The following DNAJC1 variants were observed in gnomAD, a reference collection of about 807,000 sequenced individuals.
The protein encoded by DNAJC1 is dnaJ homolog subfamily C member 1.
A neutral mutation model predicts 76.6 loss-of-function variants in DNAJC1; 58 were observed. The observed-to-expected ratio is 0.76, with a 90% CI of 0.61 to 0.94. The LOEUF (loss-of-function observed/expected upper bound fraction) is 0.94, where lower values mean the gene tolerates loss of function less well. DNAJC1 is among the 40% of genes least tolerant of loss of function. The probability of loss-of-function intolerance (pLI) is 0.00; values close to 1 mark genes in which losing one functional copy is unlikely to be tolerated. For missense variants in DNAJC1, 689 were observed against 677.3 expected (o/e 1.02, Z -0.19); for synonymous variants, 258 against 267.9 (o/e 0.96, Z 0.36).
At chr10:21,957,874 G>A (rs1279330143) in intron 1 of DNAJC1, among the ~76,000 whole-genome samples, 2 of 152,046 alleles carry the variant, frequency 1.3e-5, no homozygotes, top group Non-Finnish European at 2.9e-5. Context: ...CTTTCTTTAA[G>A]TGATGGTACA....
chr10:21,923,761 CATT>C (rs1837076022), intron 3 of DNAJC1, among the ~76,000 whole-genome samples: 1 of 151,842 alleles, frequency 6.6e-6, no homozygotes, highest in Admixed American at 6.6e-5. Context: ...GTTACATACT[CATT>C]AGTGAGTTTT....
intron 9 of DNAJC1, among the ~76,000 whole-genome samples, chr10:21,786,483 G>GAT (rs1834612638): frequency 6.9e-6 from 1 of 145,664 alleles, no homozygotes; most frequent in Non-Finnish European, 1.5e-5. Context: ...GAGAGAGAGA[G>GAT]AGAGAGAGAG....
In DNAJC1 at chr10:21,876,545, T is replaced by C. The variant is rs144671817; in HGVS notation, c.978+5737A>G. ...CAATTAAATATCTCAGCTGAATAAT[T>C]TGTGGAAAACAACAAGCTGCATTAA... On this transcript the variant is annotated intron_variant, in intron 8 of 11. Coordinates refer to ENST00000376980, the MANE Select transcript of DNAJC1 (RefSeq NM_022365.4). 5.9e-3 allele frequency among the ~76,000 whole-genome samples: 893 copies of C among 152,304 alleles called. 7 individuals carry two copies. The highest frequency in any genetic ancestry group is 0.02 in the African/African-American group (833 of 41,556).
At chr10:21,932,780 G>A (rs964763052) in intron 1 of DNAJC1, among the ~76,000 whole-genome samples, 6 of 152,190 alleles carry the variant, frequency 3.9e-5, no homozygotes, top group Non-Finnish European at 7.3e-5. Context: ...AAAGGCAAAT[G>A]TATTTATTTG....
chr10:21,998,403 A>AG (rs1437732357), intron 1 of DNAJC1, among the ~76,000 whole-genome samples: 1 of 151,506 alleles, frequency 6.6e-6, no homozygotes, highest in African/African-American at 2.4e-5. Flanking sequence ...AAAAAAAAAA[A>AG]AAAAAAGAAA....
chr10:21,862,281 T>C (rs1392273211), intron 8 of DNAJC1, among the ~76,000 whole-genome samples: 2 of 152,074 alleles, frequency 1.3e-5, no homozygotes, highest in Non-Finnish European at 2.9e-5. Context: ...TTCTTTGTTG[T>C]GTGAGATTCA....
rs778492623 is a variant in DNAJC1 at position 21,920,950 on chromosome 10, G to T, written c.385C>A (p.Leu129Met). 1 of 1,608,142 alleles carries T rather than the reference G, an allele frequency of 6.2e-7. No individual in the cohort carries two copies. Among genetic ancestry groups the T allele is most frequent in the South Asian group, 1.1e-5 (1 of 89,894 alleles). Residue 129 changes from leucine to methionine, a missense_variant, in exon 4 of 12, where the codon CTG becomes ATG. Leu to Met is a conservative substitution (Grantham distance 15). Coordinates refer to ENST00000376980, the MANE Select transcript of DNAJC1 (RefSeq NM_022365.4). Reference protein sequence around the residue: ...DERRQRYDDILINGLPDWRQP... With the variant: ...DERRQRYDDIMINGLPDWRQP... ...CGCCAATCTGGAAGTCCATTGATCA[G>T]AATATCATCATACCTACAGTACAAA...
intron 7 of DNAJC1, among the ~76,000 whole-genome samples, chr10:21,897,541 T>C (rs1193398428): frequency 2.0e-5 from 3 of 152,166 alleles, no homozygotes; most frequent in Non-Finnish European, 4.4e-5. Context: ...AGGACAAGCA[T>C]TACTGCCTGC....
At chr10:21,961,431 T>C (rs1192043577) in intron 1 of DNAJC1, among the ~76,000 whole-genome samples, 7 of 152,162 alleles carry the variant, frequency 4.6e-5, no homozygotes, top group Non-Finnish European at 1.5e-5. Context: ...ACAGCAAAGA[T>C]GAACCTTGAA....
chr10:21,813,679 C>T (rs954045125), intron 8 of DNAJC1, among the ~76,000 whole-genome samples: 5 of 152,182 alleles, frequency 3.3e-5, no homozygotes, highest in Admixed American at 6.5e-5. Context: ...TGAGCCACTG[C>T]GCCCAGCCAG....
intron 8 of DNAJC1, among the ~76,000 whole-genome samples, chr10:21,855,063 A>C (rs1407368581): frequency 6.6e-6 from 1 of 152,190 alleles, no homozygotes. Flanking sequence ...CATCTAGTTA[A>C]GATCTGACTT....
intron 8 of DNAJC1, among the ~76,000 whole-genome samples, chr10:21,829,000 T>C (rs763252775): frequency 1.3e-5 from 2 of 152,144 alleles, no homozygotes; most frequent in Non-Finnish European, 2.9e-5. Flanking sequence ...ATAAAGATTA[T>C]TAGGGTCAGT....
intron 9 of DNAJC1, among the ~76,000 whole-genome samples, chr10:21,782,007 T>C (rs1834535739): frequency 6.6e-6 from 1 of 151,698 alleles, no homozygotes; most frequent in Non-Finnish European, 1.5e-5. Flanking sequence ...AGCGAACACA[T>C]TCAGAAGCTA....
chr10:21,962,649 C>CT (rs775112321), intron 1 of DNAJC1, among the ~76,000 whole-genome samples: 272 of 131,928 alleles, frequency 2.1e-3, no homozygotes, highest in East Asian at 4.7e-3. Context: ...TTTTCTTTTT[C>CT]TTTTTTTTTT....
chr10:22,003,060 C>A (rs980542110), intron 1 of DNAJC1, among the ~76,000 whole-genome samples, 153 bp downstream of exon 1: 2 of 152,122 alleles, frequency 1.3e-5, no homozygotes, highest in Non-Finnish European at 2.9e-5. Context: ...CACGTCCTTC[C>A]AAGGCTGAGG....
In DNAJC1 at chr10:21,864,933, CATG is replaced by C. The variant is rs542349311; in HGVS notation, c.978+17346_978+17348del. Among the ~76,000 whole-genome samples, 61 of 152,132 alleles carry C rather than the reference CATG, an allele frequency of 4.0e-4. 1 individual carries two copies. Among genetic ancestry groups the C allele is most frequent in the African/African-American group, 1.4e-3 (59 of 41,440 alleles). ...AGTGCTGAATGGACATTTCATAAAA[CATG>C]ATATTCAAATGGAAAACACATGAAA... On this transcript the variant is annotated intron_variant, in intron 8 of 11. Coordinates refer to ENST00000376980, the MANE Select transcript of DNAJC1 (RefSeq NM_022365.4).
chr10:21,890,883 A>C (rs912440587), intron 7 of DNAJC1, among the ~76,000 whole-genome samples: 5 of 152,172 alleles, frequency 3.3e-5, no homozygotes, highest in Non-Finnish European at 7.3e-5. Flanking sequence ...GATGCCAACA[A>C]GATAAAAGAG....
intron 8 of DNAJC1, among the ~76,000 whole-genome samples, chr10:21,881,401 G>A (rs1457383202): frequency 1.3e-5 from 2 of 152,182 alleles, no homozygotes; most frequent in African/African-American, 4.8e-5. Context: ...TTTCAACCAT[G>A]CCTTCCGAAC....
At chr10:21,906,961 A>G (rs546527335) in intron 6 of DNAJC1, among the ~76,000 whole-genome samples, 16 of 152,142 alleles carry the variant, frequency 1.1e-4, no homozygotes, top group Non-Finnish European at 1.9e-4. Context: ...ATACTTCACC[A>G]AAATTCCCCT....
Sources: gnomAD v4.1 joint callset for allele counts (sites outside exome capture counted in the v4.1 genomes callset) on GRCh38, gnomAD v4.1.1 for gene constraint, MANE v1.5 for transcripts, NCBI Gene and HGNC (gene_info 2026-07-23, HGNC 2026-07-21) for gene names.